Variants in LRPPRC observed in about 807,000 individuals in gnomAD.
The protein encoded by LRPPRC is leucine rich pentatricopeptide repeat containing.
LRPPRC carries 120 observed loss-of-function variants against 180.3 expected under a neutral mutation model. The ratio of observed to expected loss-of-function variants is 0.67; its 90% CI spans 0.57 to 0.77. The LOEUF (loss-of-function observed/expected upper bound fraction) is 0.77, where lower values mean the gene tolerates loss of function less well. Among genes scored for constraint, LRPPRC ranks in the 30% least tolerant of loss-of-function variants. LRPPRC has a pLI of 0.00. For synonymous variants in LRPPRC, 723 were observed against 600.0 expected (o/e 1.21, Z -3.00); for missense variants, 2,012 against 1,657.2 (o/e 1.21, Z -3.72).
upstream of LRPPRC, chr2:43,996,135 T>C (rs909257479): frequency 1.8e-6 from 1 of 548,370 alleles, no homozygotes; most frequent in South Asian, 2.2e-5. Context: ...CAATGTAATA[T>C]TTACATAAAC....
In LRPPRC at chr2:43,929,330, G is replaced by A. The variant is rs537806045; in HGVS notation, c.2737-3369C>T. ...GGAATTTTATGTACTTCGTTACTTCGTATGACTAGTACTTCGTTACTTCTG... is the reference window on the plus strand; with the variant it reads ...GGAATTTTATGTACTTCGTTACTTCATATGACTAGTACTTCGTTACTTCTG... On this transcript the variant is annotated intron_variant, in intron 25 of 37. Coordinates refer to ENST00000260665, the MANE Select transcript of LRPPRC (RefSeq NM_133259.4). Among the ~76,000 whole-genome samples, 13 of 152,216 alleles carry A rather than the reference G, an allele frequency of 8.5e-5. No homozygotes were observed. In the South Asian group the frequency reaches 1.9e-3, roughly 22 times the overall value.
At chr2:43,931,503 C>T (rs1249978728) in intron 25 of LRPPRC, among the ~76,000 whole-genome samples, 2 of 152,176 alleles carry the variant, frequency 1.3e-5, no homozygotes, top group Non-Finnish European at 2.9e-5. Context: ...TCTTTGCTGC[C>T]TCAGGGCCCT....
chr2:43,928,092 T>A (rs1572931017), intron 25 of LRPPRC, among the ~76,000 whole-genome samples: 1 of 152,380 alleles, frequency 6.6e-6, no homozygotes, highest in South Asian at 2.1e-4. Flanking sequence ...ATCTATCTAA[T>A]GAACAGTGAG....
intron 1 of LRPPRC, among the ~76,000 whole-genome samples, chr2:43,986,311 G>A (rs748397984): frequency 1.5e-4 from 23 of 151,926 alleles, no homozygotes; most frequent in African/African-American, 5.3e-4. Flanking sequence ...TATATTTTTA[G>A]TACAGACGGA....
At chr2:43,952,156 G>A (rs1672933232) in intron 14 of LRPPRC, among the ~76,000 whole-genome samples, 1 of 151,882 alleles carries the variant, frequency 6.6e-6, no homozygotes. Flanking sequence ...TCGCGCCACT[G>A]CACTCCAGCC....
At chr2:43,935,389 G>A (rs751896087) in intron 23 of LRPPRC, among the ~76,000 whole-genome samples, 24 of 152,038 alleles carry the variant, frequency 1.6e-4, no homozygotes, top group Non-Finnish European at 2.9e-4. Context: ...AATATTTTCT[G>A]TACTGTCACC....
intron 1 of LRPPRC, among the ~76,000 whole-genome samples, chr2:43,992,095 T>A (rs1198718216): frequency 6.6e-6 from 1 of 152,060 alleles, no homozygotes; most frequent in Non-Finnish European, 1.5e-5. Flanking sequence ...GTCATAGTGT[T>A]AATGGGTGCT....
chr2:43,936,959 G>A (rs560214803), intron 23 of LRPPRC, among the ~76,000 whole-genome samples: 6 of 152,220 alleles, frequency 3.9e-5, no homozygotes, highest in African/African-American at 9.6e-5. Flanking sequence ...TCTGCTTAAC[G>A]AAAAACTACT....
Position 43,941,002 on chromosome 2 carries a change from C to G in LRPPRC, c.2504+2685G>C, listed in dbSNP as rs1348631224. Among the ~76,000 whole-genome samples the G allele has an allele frequency of 2.6e-5, 4 of 152,056 alleles. No individual in the cohort carries two copies. In the East Asian group the frequency reaches 7.7e-4, roughly 29 times the overall value. ...GAAACATAAAAATTTTGTTCAACTG[C>G]AAATTTTTTTCCATTCAATGCAAGT... is the stretch of plus-strand genomic sequence containing the variant. On this transcript the variant is annotated intron_variant, in intron 23 of 37. Transcript: ENST00000260665.
At chr2:43,894,473 T>C (rs1345576744) in intron 36 of LRPPRC, 72 bp downstream of exon 36, 2 of 798,106 alleles carry the variant, frequency 2.5e-6, no homozygotes, top group African/African-American at 1.7e-5. Context: ...CTACAAGTCA[T>C]TTACATGATA....
At chr2:43,962,891 A>G (rs976971355) in intron 12 of LRPPRC, among the ~76,000 whole-genome samples, 3 of 152,064 alleles carry the variant, frequency 2.0e-5, no homozygotes, top group Admixed American at 2.0e-4. Flanking sequence ...AGGATTGCTT[A>G]AGCCCAGAGT....
At chr2:43,948,040 GCAT>G (rs1191837884) in intron 18 of LRPPRC, 79 bp downstream of exon 18, 5 of 1,002,906 alleles carry the variant, frequency 5.0e-6, no homozygotes, top group Non-Finnish European at 7.9e-6. Context: ...CTGACCAAAA[GCAT>G]CATATTTAAA....
At chr2:43,996,219 C>G (rs56763294), upstream of LRPPRC, among the ~76,000 whole-genome samples, 3,683 of 152,282 alleles carry the variant, frequency 0.024, 159 homozygotes, top group African/African-American at 0.083. Context: ...TGTTCATTCG[C>G]TGCACCCCTG....
intron 12 of LRPPRC, among the ~76,000 whole-genome samples, chr2:43,961,942 G>A (rs1053307818): frequency 2.0e-5 from 3 of 152,126 alleles, no homozygotes; most frequent in Non-Finnish European, 2.9e-5. Flanking sequence ...TAGCCTGGGC[G>A]ACAGAGCAAG....
chr2:43,939,107 C>T (rs991499979), intron 23 of LRPPRC, among the ~76,000 whole-genome samples: 2 of 115,360 alleles, frequency 1.7e-5, no homozygotes, highest in African/African-American at 7.1e-5. Flanking sequence ...CCCGTCTCCA[C>T]TAAAAATACA....
chr2:43,996,207 C>A (rs370243036), upstream of LRPPRC, among the ~76,000 whole-genome samples: 1 of 152,234 alleles, frequency 6.6e-6, no homozygotes, highest in African/African-American at 2.4e-5. Flanking sequence ...ATCTGGGCAT[C>A]GTGTTCATTC....
intron 23 of LRPPRC, among the ~76,000 whole-genome samples, chr2:43,942,009 T>C (rs1228477490): frequency 6.6e-6 from 1 of 152,110 alleles, no homozygotes; most frequent in African/African-American, 2.4e-5. Context: ...CACAGAAATA[T>C]CTGACTTCAG....
intron 11 of LRPPRC, among the ~76,000 whole-genome samples, chr2:43,972,663 T>C (rs1673870451): frequency 6.6e-6 from 1 of 152,208 alleles, no homozygotes; most frequent in South Asian, 2.1e-4. Context: ...ATTTAGAGAC[T>C]TTTATAGCCA....
chr2:43,955,849 T>C (rs1156616064), intron 14 of LRPPRC, among the ~76,000 whole-genome samples: 1 of 152,044 alleles, frequency 6.6e-6, no homozygotes, highest in Non-Finnish European at 1.5e-5. Flanking sequence ...GTAGACACAG[T>C]CTCAAATTAC....
Sources: gnomAD v4.1 joint callset for allele counts (sites outside exome capture counted in the v4.1 genomes callset) on GRCh38, gnomAD v4.1.1 for gene constraint, MANE v1.5 for transcripts, NCBI Gene and HGNC (gene_info 2026-07-23, HGNC 2026-07-21) for gene names.